Variants in EFNB2 observed in about 807,000 individuals in gnomAD.
EFNB2 encodes the protein ephrin-B2.
EFNB2 carries 5 observed loss-of-function variants against 32.1 expected under a neutral mutation model. The observed-to-expected ratio is 0.16, with a 90% confidence interval of 0.08 to 0.33. The LOEUF (loss-of-function observed/expected upper bound fraction) is 0.33. EFNB2 is among the 10% of genes least tolerant of loss of function. The pLI is 1.00. For missense variants in EFNB2, 263 were observed against 422.6 expected, an observed-to-expected ratio of 0.62 and a Z score of 3.31; for synonymous variants, 168 against 166.5, an observed-to-expected ratio of 1.01 and a Z score of -0.07.
chr13:106,511,816 C>T (rs986191891), intron 2 of EFNB2, among the ~76,000 whole-genome samples: 7 of 152,136 alleles, frequency 4.6e-5, no homozygotes, highest in Admixed American at 3.9e-4. Context: ...ACATAGTAGG[C>T]GTGGGCTCCA....
At chr13:106,497,991 G>A (rs1878646015) in intron 2 of EFNB2, among the ~76,000 whole-genome samples, 2 of 152,012 alleles carry the variant, frequency 1.3e-5, no homozygotes, top group Admixed American at 1.3e-4. Flanking sequence ...TAAAATGTTT[G>A]GTTTACTTCA....
At chr13:106,530,729 G>A (rs1337721252) in intron 1 of EFNB2, among the ~76,000 whole-genome samples, 4 of 152,080 alleles carry the variant, frequency 2.6e-5, no homozygotes, top group African/African-American at 9.7e-5. Flanking sequence ...CCCATTAGGT[G>A]AACGCACTCT....
intron 2 of EFNB2, among the ~76,000 whole-genome samples, chr13:106,501,930 G>C (rs963603537): frequency 6.6e-6 from 1 of 152,144 alleles, no homozygotes; most frequent in Non-Finnish European, 1.5e-5. Flanking sequence ...ACTTAGCAAA[G>C]TTAATTTAAA....
At chr13:106,524,812 C>G (rs1056768913) in intron 1 of EFNB2, among the ~76,000 whole-genome samples, 4 of 152,000 alleles carry the variant, frequency 2.6e-5, no homozygotes, top group Non-Finnish European at 5.9e-5. Flanking sequence ...TTAGAAAGCA[C>G]CAAAAGCAGG....
chr13:106,523,318 G>A (rs900217721), intron 1 of EFNB2, among the ~76,000 whole-genome samples: 4 of 152,098 alleles, frequency 2.6e-5, no homozygotes, highest in Admixed American at 1.3e-4. Context: ...TAGAAACAGC[G>A]CTCCACTGTA....
In EFNB2 at chr13:106,493,582, C is replaced by A. The variant is rs1377942439; in HGVS notation, c.614-154G>T. On this transcript the variant is annotated intron_variant, in intron 4 of 4. Transcript: ENST00000646441. The surrounding 1 kb of genome is among the most constrained non-coding windows in gnomAD (Gnocchi z 6.1). ...CTCGCCAATACCTCGTCTAAGAGCT[C>A]AACGCAAAAGGAAATGAGAGGTATC... 4.6e-5 allele frequency among the ~76,000 whole-genome samples: 7 copies of A among 152,262 alleles called. No homozygotes were observed. The East Asian group carries it at 1.2e-3, about 25-fold the overall frequency.
chr13:106,504,871 T>C (rs1361236718), intron 2 of EFNB2, among the ~76,000 whole-genome samples: 1 of 152,172 alleles, frequency 6.6e-6, no homozygotes, highest in African/African-American at 2.4e-5. Flanking sequence ...AATCACTATA[T>C]GATGTAGCAA....
rs1371904511 is a variant in EFNB2 at position 106,491,753 on chromosome 13, C to A, written c.*1287G>T. The A allele has an allele frequency of 6.6e-6, 1 of 152,646 alleles. No individual in the cohort carries two copies. The allele number at this position is 152,646 out of a possible 1,614,324, so 9.5% of individuals were successfully genotyped here. A position where few individuals can be genotyped will look rare whatever the true frequency, so the allele number is the denominator to read the frequency against. ...AGGAGGAACCTGGGGGGAGGGGGAT[C>A]TGACCTACCTTTTATAGATAAGGAT... On this transcript the variant is annotated 3_prime_UTR_variant, in exon 5 of 5. Coordinates refer to ENST00000646441, the MANE Select transcript of EFNB2 (RefSeq NM_004093.4).
intron 1 of EFNB2, chr13:106,519,839 C>T (rs1228907813): frequency 6.6e-6 from 1 of 152,062 alleles, no homozygotes; most frequent in Non-Finnish European, 1.5e-5. Context: ...TTCAGAAAAA[C>T]TTTGTGCTAT....
At chr13:106,526,421 GTTCT>G (rs1423800046) in intron 1 of EFNB2, among the ~76,000 whole-genome samples, 2 of 152,256 alleles carry the variant, frequency 1.3e-5, no homozygotes, top group East Asian at 3.9e-4. Flanking sequence ...CGTGTATATG[GTTCT>G]TTCTAAGTAC....
At chr13:106,534,575 T>C (rs1768564231) in intron 1 of EFNB2, among the ~76,000 whole-genome samples, 1 of 152,190 alleles carries the variant, frequency 6.6e-6, no homozygotes, top group Admixed American at 6.5e-5. Context: ...CTTCCCGGAC[T>C]TGACACCCGA....
At chr13:106,517,297 CCA>C (rs1187012590) in intron 1 of EFNB2, 4 of 152,190 alleles carry the variant, frequency 2.6e-5, no homozygotes, top group African/African-American at 9.7e-5. Flanking sequence ...AGGGAAACCG[CCA>C]CAGTTACAAC....
At chr13:106,533,434 C>A (rs1024081049) in intron 1 of EFNB2, among the ~76,000 whole-genome samples, 12 of 152,238 alleles carry the variant, frequency 7.9e-5, no homozygotes, top group Middle Eastern at 3.2e-3. Flanking sequence ...AAATATAATC[C>A]ATGCAAGAGC....
intron 1 of EFNB2, chr13:106,520,070 T>G (rs1294655652): frequency 6.6e-6 from 1 of 152,202 alleles, no homozygotes; most frequent in Non-Finnish European, 1.5e-5. Context: ...GCTTAATCAT[T>G]GAACTGTACA....
At chr13:106,525,953 C>G (rs895693559) in intron 1 of EFNB2, among the ~76,000 whole-genome samples, 2 of 152,210 alleles carry the variant, frequency 1.3e-5, no homozygotes, top group Non-Finnish European at 2.9e-5. Context: ...CCCCAAACAG[C>G]TTTAATGTTG....
At chr13:106,510,454 G>C (rs60183068) in intron 2 of EFNB2, among the ~76,000 whole-genome samples, 2,008 of 152,252 alleles carry the variant, frequency 0.013, 41 homozygotes, top group African/African-American at 0.045. Flanking sequence ...AGCATTCTTC[G>C]TGAAGTCATA....
intron 2 of EFNB2, among the ~76,000 whole-genome samples, chr13:106,508,076 T>C (rs1393229800): frequency 1.3e-5 from 2 of 152,180 alleles, no homozygotes; most frequent in African/African-American, 2.4e-5. Context: ...CAAGGTTTTA[T>C]GCGAAGGTAG....
chr13:106,516,677 C>G (rs1025367705), intron 1 of EFNB2: 2 of 152,202 alleles, frequency 1.3e-5, no homozygotes, highest in Admixed American at 6.5e-5. Context: ...ATGTGAGCGT[C>G]ACATGGAGAG....
intron 2 of EFNB2, among the ~76,000 whole-genome samples, chr13:106,503,910 G>C (rs1215331933): frequency 6.6e-6 from 1 of 152,156 alleles, no homozygotes; most frequent in African/African-American, 2.4e-5. Context: ...TAATGTAAGA[G>C]TTCTAAAGAT....
Sources: gnomAD v4.1 joint callset for allele counts (sites outside exome capture counted in the v4.1 genomes callset) on GRCh38, gnomAD v4.1.1 for gene constraint, Gnocchi (gnomAD v3.1) non-coding constraint, MANE v1.5 for transcripts, NCBI Gene and HGNC (gene_info 2026-07-23, HGNC 2026-07-21) for gene names.